The following INTS6L variants were observed in gnomAD, a reference collection of about 807,000 sequenced individuals.
The protein encoded by INTS6L is integrator complex subunit 6 like, also known as integrator complex subunit 6-like.
INTS6L carries 18 observed loss-of-function variants against 64.7 expected under a neutral mutation model. The ratio of observed to expected loss-of-function variants is 0.28; its 90% CI spans 0.19 to 0.41. The LOEUF (loss-of-function observed/expected upper bound fraction) is 0.41. INTS6L is among the 10% of genes least tolerant of loss of function. The probability of loss-of-function intolerance (pLI) is 1.00; values close to 1 mark genes in which losing one functional copy is unlikely to be tolerated. For synonymous variants in INTS6L, 227 were observed against 235.9 expected (o/e 0.96, Z 0.34); for missense variants, 533 against 661.0 (o/e 0.81, Z 2.12).
At chrX:135,533,075 TCAAAAA>T (rs781814215) in intron 2 of INTS6L, among the ~76,000 whole-genome samples, 1,688 of 109,757 alleles carry the variant, frequency 0.015, 19 homozygotes, top group Non-Finnish European at 0.024. Flanking sequence ...AGATCCTGTC[TCAAAAA>T]CAAAAACAAA....
chrX:135,546,768 C>G lies in INTS6L; in HGVS notation c.496C>G (p.Gln166Glu). ...ELTKEPFRWD[Q>E]RLFALVLRLP... ...AACCAAAGAACCTTTTCGTTGGGAT[C>G]AAAGGTTATTTGCCCTGGTGTTGCG... Residue 166 changes from glutamine (Q) to glutamate (E), a missense_variant, in exon 5 of 18, where the codon CAA becomes GAA. Transcript: ENST00000639893. 1 of 1,211,553 alleles carries G rather than the reference C, an allele frequency of 8.3e-7. No individual in the cohort carries two copies. The highest frequency in any genetic ancestry group is 1.1e-6 in the Non-Finnish European group (1 of 895,366).
At chrX:135,567,088 TATC>T (rs782435743) in intron 9 of INTS6L, among the ~76,000 whole-genome samples, 200 of 111,841 alleles carry the variant, frequency 1.8e-3, no homozygotes, top group South Asian at 0.013. Flanking sequence ...GTAAGGCAAT[TATC>T]ATCTAACCCA....
intron 2 of INTS6L, among the ~76,000 whole-genome samples, chrX:135,542,890 A>AC (rs1402219351): frequency 4.5e-5 from 5 of 111,654 alleles, no homozygotes; most frequent in Non-Finnish European, 1.9e-5. Context: ...AGGGTAAAGG[A>AC]CCCCCGCCCA....
chrX:135,552,147 G>A lies in INTS6L; in HGVS notation c.1059+1G>A. The A allele has an allele frequency of 8.5e-7, 1 of 1,179,063 alleles. No homozygotes were observed. Among genetic ancestry groups the A allele is most frequent in the Non-Finnish European group, 1.1e-6 (1 of 882,702 alleles). On this transcript the variant is annotated splice_donor_variant, in intron 8 of 17. Transcript: ENST00000639893. LOFTEE classifies it high-confidence loss of function. ...AAAGTCTCCCCATACCTGCTGGCAG[G>A]TACTTATCCTTACCTATTAGCTAAA...
chrX:135,563,912 G>C (rs2086865683), intron 9 of INTS6L, among the ~76,000 whole-genome samples: 1 of 110,272 alleles, frequency 9.1e-6, no homozygotes, highest in Admixed American at 9.7e-5. Flanking sequence ...AGATTATTCT[G>C]TTTGAGGTTC....
rs782665048 is a variant in INTS6L, at chrX:135,579,790, G to A, written c.2122G>A (p.Ala708Thr). 6 of 1,177,550 alleles carry A rather than the reference G, an allele frequency of 5.1e-6. No individual in the cohort carries two copies. The highest frequency in any genetic ancestry group is 2.3e-5 in the Admixed American group (1 of 42,865). Reference sequence around the variant, plus strand: ...CAACCTCTTCATTTGGTTTCCAGATGCTACTATCATTCACGATGGCCATGA... The same window carrying A: ...CAACCTCTTCATTTGGTTTCCAGATACTACTATCATTCACGATGGCCATGA... ...LIKPTLVHTD[A>T]TIIHDGHEEK... is the part of the protein sequence containing the mutation. The change falls in exon 16 of 18, where the codon GCT (alanine) becomes ACT (threonine). Residue 708 changes from alanine (A) to threonine (T), a missense_variant and splice_region_variant. Ala to Thr is a moderately conservative substitution (Grantham distance 58, BLOSUM62 0). Transcript: ENST00000639893.
At chrX:135,521,214 C>A (rs2085534288) in intron 1 of INTS6L, 27 bp from the exon 2 acceptor site, 9 of 1,201,336 alleles carry the variant, frequency 7.5e-6, no homozygotes, top group East Asian at 3.0e-5. Flanking sequence ...TCCTACGCGA[C>A]CCCCTCCGTC....
At chrX:135,563,633 G>A (rs967139) in intron 9 of INTS6L, among the ~76,000 whole-genome samples, 3,817 of 9,491 alleles carry the variant, frequency 0.4, 209 homozygotes, top group South Asian at 0.47. Flanking sequence ...GTGTGTGTGT[G>A]TATATATATA....
At chrX:135,570,850 C>A in intron 11 of INTS6L, 1 of 215,460 alleles carries the variant, frequency 4.6e-6, no homozygotes, top group South Asian at 9.5e-5. Flanking sequence ...TGTCTATCTT[C>A]AACCTAGTTC....
chrX:135,531,276 A>G (rs934770769), intron 2 of INTS6L, among the ~76,000 whole-genome samples: 3 of 111,558 alleles, frequency 2.7e-5, no homozygotes, highest in South Asian at 3.7e-4. Context: ...TTCTTTCTCT[A>G]TCTTCCAAAG....
chrX:135,550,227 T>C (rs1364357419), intron 7 of INTS6L, among the ~76,000 whole-genome samples: 1 of 112,346 alleles, frequency 8.9e-6, no homozygotes, highest in African/African-American at 3.2e-5. Flanking sequence ...TGGGAACATA[T>C]TAAAATCATA....
intron 9 of INTS6L, 27 bp downstream of exon 9, chrX:135,556,327 A>G: frequency 9.0e-7 from 1 of 1,113,428 alleles, no homozygotes; most frequent in Non-Finnish European, 1.2e-6. Context: ...CCACTGAATC[A>G]TCTTTAAAAT....
chrX:135,529,714 C>T (rs1556503574), intron 2 of INTS6L, among the ~76,000 whole-genome samples: 1 of 112,008 alleles, frequency 8.9e-6, no homozygotes, highest in African/African-American at 3.2e-5. Flanking sequence ...ATAACTATCC[C>T]TGTATTTCAG....
At chrX:135,527,906 A>G (rs2085784043) in intron 2 of INTS6L, among the ~76,000 whole-genome samples, 1 of 110,655 alleles carries the variant, frequency 9.0e-6, no homozygotes, top group African/African-American at 3.3e-5. Context: ...TTTTCTTTTC[A>G]GTTTGCCTTT....
At chrX:135,523,956 T>C (rs2085662085) in intron 2 of INTS6L, among the ~76,000 whole-genome samples, 1 of 112,386 alleles carries the variant, frequency 8.9e-6, no homozygotes, top group South Asian at 3.6e-4. Flanking sequence ...TTAGCCTATC[T>C]TTCCAAAGTT....
intron 10 of INTS6L, chrX:135,570,091 G>T: frequency 7.2e-6 from 1 of 138,101 alleles, no homozygotes; most frequent in Non-Finnish European, 1.4e-5. Context: ...TCACTGGGAG[G>T]AGAAATTGGG....
Position 135,570,664 on chromosome X carries a change from G to A in INTS6L, c.1398+118G>A, listed in dbSNP as rs1569513687. 3 of 833,293 alleles carry A rather than the reference G, an allele frequency of 3.6e-6. No individual in the cohort carries two copies. In the South Asian group the frequency reaches 9.3e-5, roughly 26 times the overall value. 68.7% of individuals were successfully genotyped at this position (833,293 alleles called of 1,213,427 possible). On this transcript the variant is annotated intron_variant, in intron 11 of 17. Transcript: ENST00000639893. ...TGTGTATATATCTCTACACTTTATG[G>A]ATTAGTAATAATGTGATTCTCTATG... is the stretch of plus-strand genomic sequence containing the variant.
intron 17 of INTS6L, among the ~76,000 whole-genome samples, 157 bp from the exon 18 acceptor site, chrX:135,581,371 C>T (rs2087366931): frequency 8.9e-6 from 1 of 112,079 alleles, no homozygotes; most frequent in Non-Finnish European, 1.9e-5. Context: ...CCCTCAATTG[C>T]CACTATTGGT....
chrX:135,553,121 C>G (rs1283692323), intron 8 of INTS6L, among the ~76,000 whole-genome samples: 1 of 111,232 alleles, frequency 9.0e-6, no homozygotes, highest in African/African-American at 3.3e-5. Flanking sequence ...AGCAAAGAAG[C>G]TAGACAGAAA....
Sources: gnomAD v4.1 joint callset for allele counts (sites outside exome capture counted in the v4.1 genomes callset) on GRCh38, gnomAD v4.1.1 for gene constraint, MANE v1.5 for transcripts, NCBI Gene and HGNC (gene_info 2026-07-23, HGNC 2026-07-21) for gene names.